Variants in CCDC91 observed in about 807,000 individuals in gnomAD.
CCDC91 encodes the protein coiled-coil domain-containing protein 91.
Under a neutral mutation model 63.2 loss-of-function variants are expected in CCDC91, and 48 were observed. That is an observed-to-expected ratio of 0.76 (90% CI 0.60 to 0.97). The LOEUF (loss-of-function observed/expected upper bound fraction) is 0.97, where lower values mean the gene tolerates loss of function less well. Among genes scored for constraint, CCDC91 ranks in the 50% least tolerant of loss-of-function variants. The pLI, the probability that CCDC91 is intolerant of heterozygous loss-of-function variation, is 0.00. For missense variants in CCDC91, 500 were observed against 494.6 expected (o/e 1.01, Z -0.10); for synonymous variants, 167 against 165.8 (o/e 1.01, Z -0.06).
intron 8 of CCDC91, among the ~76,000 whole-genome samples, chr12:28,409,190 A>AT (rs1421738700): frequency 6.6e-6 from 1 of 152,082 alleles, no homozygotes; most frequent in Non-Finnish European, 1.5e-5. Flanking sequence ...GAAAGCATTA[A>AT]TTTTTCCATT....
intron 12 of CCDC91, among the ~76,000 whole-genome samples, chr12:28,527,576 A>G (rs1445284041): frequency 5.9e-5 from 9 of 151,918 alleles, no homozygotes; most frequent in Admixed American, 5.9e-4. Context: ...GTGCTGGTTG[A>G]CCTGCTGGGA....
chr12:28,211,315 G>A (rs1015151146), intron 1 of CCDC91, among the ~76,000 whole-genome samples: 3 of 151,834 alleles, frequency 2.0e-5, no homozygotes, highest in African/African-American at 4.8e-5. Context: ...CTGGCTCACC[G>A]CACCATAACC....
intron 8 of CCDC91, among the ~76,000 whole-genome samples, chr12:28,414,520 C>A (rs11049578): frequency 6.6e-6 from 1 of 151,882 alleles, no homozygotes; most frequent in Admixed American, 6.6e-5. Context: ...ATTTTTGAAT[C>A]TGCATACTTT....
chr12:28,227,757 T>C (rs1296922403), intron 1 of CCDC91, among the ~76,000 whole-genome samples: 2 of 152,142 alleles, frequency 1.3e-5, no homozygotes, highest in African/African-American at 4.8e-5. Flanking sequence ...CACACTGTTA[T>C]CTACATTGCC....
intron 1 of CCDC91, among the ~76,000 whole-genome samples, chr12:28,238,600 T>C (rs1945122976): frequency 6.6e-6 from 1 of 152,178 alleles, no homozygotes; most frequent in Non-Finnish European, 1.5e-5. Flanking sequence ...CACACTTCCA[T>C]ATATAAGCAT....
At chr12:28,291,496 T>A (rs1949246956) in intron 3 of CCDC91, among the ~76,000 whole-genome samples, 1 of 152,186 alleles carries the variant, frequency 6.6e-6, no homozygotes, top group African/African-American at 2.4e-5. Context: ...GTGGTTTTGC[T>A]GAGATTCAGA....
At chr12:28,341,208 C>T (rs1942394923) in intron 6 of CCDC91, among the ~76,000 whole-genome samples, 1 of 152,102 alleles carries the variant, frequency 6.6e-6, no homozygotes. Context: ...TCTCTGCCTG[C>T]TAGGGTCTCA....
chr12:28,267,751 C>CTATATAATTATATATAATTATATATTAT (rs36014946), intron 3 of CCDC91, among the ~76,000 whole-genome samples: 6 of 51,872 alleles, frequency 1.2e-4, no homozygotes, highest in Admixed American at 3.7e-4. Flanking sequence ...TTATATATTA[C>CTATATAATTATATATAATTATATATTAT]TATATAATTA....
intron 3 of CCDC91, among the ~76,000 whole-genome samples, chr12:28,277,184 T>G (rs1366419379): frequency 2.6e-5 from 4 of 151,938 alleles, no homozygotes; most frequent in Non-Finnish European, 5.9e-5. Context: ...TTTATAACAA[T>G]AACCCCAAAA....
At chr12:28,489,282 T>A (rs964496569) in intron 12 of CCDC91, among the ~76,000 whole-genome samples, 14 of 151,964 alleles carry the variant, frequency 9.2e-5, no homozygotes, top group African/African-American at 3.1e-4. Flanking sequence ...GATATTATAA[T>A]ACATCATATC....
intron 3 of CCDC91, 91 bp downstream of exon 3, chr12:28,259,533 T>A (rs1946685171): frequency 1.3e-6 from 1 of 771,832 alleles, no homozygotes; most frequent in Non-Finnish European, 2.2e-6. Context: ...TCAACTTTTT[T>A]ACTTGTCCTT....
intron 3 of CCDC91, among the ~76,000 whole-genome samples, chr12:28,295,856 T>C (rs1949533601): frequency 6.6e-6 from 1 of 151,992 alleles, no homozygotes; most frequent in Non-Finnish European, 1.5e-5. Flanking sequence ...TGTGATATAA[T>C]TTTTTTCTTG....
At chr12:28,281,681 T>C (rs1359319398) in intron 3 of CCDC91, among the ~76,000 whole-genome samples, 3 of 152,166 alleles carry the variant, frequency 2.0e-5, no homozygotes, top group Non-Finnish European at 1.5e-5. Flanking sequence ...TAATAATTAT[T>C]ATTTTTCCTT....
chr12:28,369,261 C>A (rs1376158087), intron 7 of CCDC91, among the ~76,000 whole-genome samples: 1 of 152,126 alleles, frequency 6.6e-6, no homozygotes, highest in African/African-American at 2.4e-5. Context: ...GGTAAATGCT[C>A]CCATTCAAAA....
intron 1 of CCDC91, among the ~76,000 whole-genome samples, chr12:28,246,800 T>A (rs2136032056): frequency 6.6e-6 from 1 of 152,288 alleles, no homozygotes; most frequent in South Asian, 2.1e-4. Context: ...TTAACTGACT[T>A]ACCTGCTGTG....
intron 1 of CCDC91, among the ~76,000 whole-genome samples, chr12:28,232,717 T>A (rs537964507): frequency 5.3e-5 from 8 of 152,180 alleles, no homozygotes; most frequent in Non-Finnish European, 1.0e-4. Context: ...AAAACTGTTA[T>A]GACTGAACGG....
rs79586519 is a variant in CCDC91, at chr12:28,389,751, C to T, written c.655-1553C>T. On this transcript the variant is annotated intron_variant, in intron 7 of 12. Coordinates refer to ENST00000536442, the MANE Select transcript of CCDC91 (RefSeq NM_018318.5). Reference sequence around the variant, plus strand: ...TGTTAAGCAAAATGATTCTATAATACCCTAAGTCCCTAAATAGAATGACAT... The same window carrying T: ...TGTTAAGCAAAATGATTCTATAATATCCTAAGTCCCTAAATAGAATGACAT... Among the ~76,000 whole-genome samples, 1,403 of 152,070 alleles carry T rather than the reference C, an allele frequency of 9.2e-3. 27 individuals carry two copies. The highest frequency in any genetic ancestry group is 0.032 in the African/African-American group (1,334 of 41,502).
chr12:28,344,999 G>A (rs976507201), intron 6 of CCDC91, among the ~76,000 whole-genome samples: 1 of 151,990 alleles, frequency 6.6e-6, no homozygotes, highest in African/African-American at 2.4e-5. Flanking sequence ...CATTGAGTTA[G>A]GTTTCTAAGA....
chr12:28,315,740 A>G (rs1939791257), intron 6 of CCDC91, among the ~76,000 whole-genome samples: 1 of 151,912 alleles, frequency 6.6e-6, no homozygotes, highest in Admixed American at 6.6e-5. Flanking sequence ...ATATATAGTG[A>G]AAAGTCTACA....
Sources: gnomAD v4.1 joint callset for allele counts (sites outside exome capture counted in the v4.1 genomes callset) on GRCh38, gnomAD v4.1.1 for gene constraint, MANE v1.5 for transcripts, NCBI Gene and HGNC (gene_info 2026-07-23, HGNC 2026-07-21) for gene names.